FBXL20: variants seen among roughly 807,000 people sequenced by gnomAD.
FBXL20 encodes the protein F-box and leucine rich repeat protein 20.
In FBXL20, 11 loss-of-function variants were observed where a neutral mutation model predicts 64.0. The ratio of observed to expected loss-of-function variants is 0.17; its 90% CI spans 0.11 to 0.28. FBXL20 has a LOEUF of 0.28. FBXL20 is among the 10% of genes least tolerant of loss of function. FBXL20 has a pLI of 1.00. For missense variants in FBXL20, 303 were observed against 526.2 expected (o/e 0.58, Z 4.15); for synonymous variants, 184 against 189.0 (o/e 0.97, Z 0.22).
rs1395193716 is a variant in FBXL20 at position 39,272,161 on chromosome 17, C to T, written c.828-1305G>A. Among the ~76,000 whole-genome samples, 5 of 151,892 alleles carry T rather than the reference C, an allele frequency of 3.3e-5. No individual in the cohort carries two copies. In the South Asian group the frequency reaches 6.3e-4, roughly 19 times the overall value. Reference sequence around the variant, plus strand: ...CTGCACTTTGGGAGGCCGAGGCAGGCGGATCACGAGGTCAGGAGATCGAGA... The same window carrying T: ...CTGCACTTTGGGAGGCCGAGGCAGGTGGATCACGAGGTCAGGAGATCGAGA... On this transcript the variant is annotated intron_variant, in intron 10 of 14. Transcript: ENST00000264658.
At chr17:39,401,745 G>C (rs558244782), upstream of FBXL20, 1 of 1,080,908 alleles carries the variant, frequency 9.3e-7, no homozygotes, top group African/African-American at 1.7e-5. Context: ...GGGAGGGGAG[G>C]AGCGCGGCGG....
chr17:39,395,371 C>T (rs751710072), intron 1 of FBXL20, among the ~76,000 whole-genome samples: 2 of 152,138 alleles, frequency 1.3e-5, no homozygotes, highest in African/African-American at 2.4e-5. Context: ...CTTCAGTGAG[C>T]CAAGATCATG....
intron 6 of FBXL20, among the ~76,000 whole-genome samples, chr17:39,291,206 C>T (rs1398329849): frequency 4.0e-5 from 6 of 151,728 alleles, no homozygotes; most frequent in South Asian, 2.1e-4. Context: ...CGTGATCACC[C>T]GCCTCAGCCT....
intron 1 of FBXL20, among the ~76,000 whole-genome samples, chr17:39,349,408 G>A (rs900003205): frequency 2.1e-5 from 3 of 145,310 alleles, no homozygotes; most frequent in African/African-American, 5.1e-5. Flanking sequence ...CCATAGTGGT[G>A]TCATGTCAGC....
Position 39,261,557 on chromosome 17 carries a change from G to T in FBXL20, c.1214C>A (p.Pro405His). ...AGIKRLRTHL[P>H]NIKVHAYFAP... ...GAAGTAGGCGTGGACTTTAATATTG[G>T]GTAAATGGGTCTGAAACAAGACAGA... The change falls in exon 15 of 15, where the codon CCC becomes CAC. Residue 405 changes from proline to histidine, a missense_variant. By Grantham distance (77) the Pro-to-His change is moderately conservative (BLOSUM62 -2). Coordinates refer to ENST00000264658, the MANE Select transcript of FBXL20 (RefSeq NM_032875.3). 1 of 1,611,464 alleles carries T rather than the reference G, an allele frequency of 6.2e-7. No homozygotes were observed.
chr17:39,319,343 TAA>T (rs1352970642), intron 2 of FBXL20, among the ~76,000 whole-genome samples: 1 of 152,018 alleles, frequency 6.6e-6, no homozygotes, highest in East Asian at 1.9e-4. Context: ...CTCTACATTC[TAA>T]GATTACCTTA....
chr17:39,389,517 C>G (rs771943828), intron 1 of FBXL20, among the ~76,000 whole-genome samples: 2 of 151,980 alleles, frequency 1.3e-5, no homozygotes, highest in Admixed American at 1.3e-4. Context: ...ATGCAGTGCT[C>G]GTTTTAAAAA....
chr17:39,323,611 T>C (rs1018804550), intron 2 of FBXL20, among the ~76,000 whole-genome samples: 1 of 152,158 alleles, frequency 6.6e-6, no homozygotes, highest in Non-Finnish European at 1.5e-5. Flanking sequence ...TGAAGAATAC[T>C]ACTGACTTAA....
intron 1 of FBXL20, among the ~76,000 whole-genome samples, chr17:39,363,340 G>C (rs1418050963): frequency 6.6e-6 from 1 of 151,784 alleles, no homozygotes. Context: ...ATTTGTTTTA[G>C]AGACAGGGTC....
At chr17:39,303,834 G>A (rs1029638973) in intron 2 of FBXL20, among the ~76,000 whole-genome samples, 195 bp from the exon 3 acceptor site, 6 of 151,984 alleles carry the variant, frequency 3.9e-5, no homozygotes, top group Non-Finnish European at 5.9e-5. Flanking sequence ...CTAGAGATGC[G>A]TGCCACCATA....
At chr17:39,329,247 T>C (rs574028128) in intron 2 of FBXL20, among the ~76,000 whole-genome samples, 1 of 152,300 alleles carries the variant, frequency 6.6e-6, no homozygotes, top group African/African-American at 2.4e-5. Context: ...GGATACTACT[T>C]CTATGATATT....
chr17:39,385,618 G>T (rs1229150277), intron 1 of FBXL20, among the ~76,000 whole-genome samples: 1 of 152,164 alleles, frequency 6.6e-6, no homozygotes, highest in African/African-American at 2.4e-5. Flanking sequence ...AGCCAAGGAG[G>T]TTGATGCTCA....
At chr17:39,352,757 T>C (rs962834327) in intron 1 of FBXL20, among the ~76,000 whole-genome samples, 2 of 151,730 alleles carry the variant, frequency 1.3e-5, no homozygotes, top group East Asian at 3.9e-4. Context: ...TTGCTTAAAT[T>C]AAATCTACTA....
At chr17:39,372,516 CAAAAAAAAAA>C (rs747264126) in intron 1 of FBXL20, among the ~76,000 whole-genome samples, 2 of 41,162 alleles carry the variant, frequency 4.9e-5, no homozygotes, top group East Asian at 1.0e-3. Context: ...AGACTCTGAC[CAAAAAAAAAA>C]AAAAAAAAAA....
chr17:39,329,935 A>G (rs752022697), intron 2 of FBXL20, among the ~76,000 whole-genome samples: 1 of 152,156 alleles, frequency 6.6e-6, no homozygotes, highest in Non-Finnish European at 1.5e-5. Context: ...TTGAGGCTGC[A>G]GCAAACTATG....
upstream of FBXL20, chr17:39,402,078 G>A (rs888686947): frequency 6.3e-6 from 7 of 1,104,098 alleles, no homozygotes; most frequent in African/African-American, 9.7e-5. Flanking sequence ...CTCAGCCTCT[G>A]CCCGCGCCCG....
In FBXL20 at chr17:39,253,473, TCCTCTTA is replaced by T. The variant is rs1196582066; in HGVS notation, c.*7980_*7986del. 6.6e-6 allele frequency: 1 copy of T among 152,386 alleles called. No individual in the cohort carries two copies. The highest frequency in any genetic ancestry group is 6.5e-5 in the Admixed American group (1 of 15,270). The allele number at this position is 152,386 out of a possible 1,614,324, so 9.4% of individuals were successfully genotyped here. On this transcript the variant is annotated 3_prime_UTR_variant, in exon 15 of 15. Coordinates refer to ENST00000264658, the MANE Select transcript of FBXL20 (RefSeq NM_032875.3). ...AAATGCAAAATTAAGAAGGCCGCTC[TCCTCTTA>T]CAGTCAACCTTTGGAGTGGGTAGTC...
At chr17:39,325,502 CAGGT>C (rs1322398051) in intron 2 of FBXL20, among the ~76,000 whole-genome samples, 1 of 151,984 alleles carries the variant, frequency 6.6e-6, no homozygotes, top group Non-Finnish European at 1.5e-5. Context: ...TGAACAAAAA[CAGGT>C]AGATATTAAA....
chr17:39,357,558 A>G (rs934358357), intron 1 of FBXL20, among the ~76,000 whole-genome samples: 1 of 148,736 alleles, frequency 6.7e-6, no homozygotes, highest in African/African-American at 2.6e-5. Flanking sequence ...AACCCCCTTT[A>G]TTTCTTGAGA....
Sources: allele counts gnomAD v4.1 joint callset (sites outside exome capture counted in the v4.1 genomes callset), GRCh38; gene constraint gnomAD v4.1.1; transcripts MANE v1.5; gene names NCBI Gene and HGNC (gene_info 2026-07-23, HGNC 2026-07-21).